Variants in AP3M1 observed in about 807,000 individuals in gnomAD.
The protein encoded by AP3M1 is adaptor related protein complex 3 subunit mu 1.
A neutral mutation model predicts 42.6 loss-of-function variants in AP3M1; 29 were observed. The observed-to-expected ratio is 0.68, with a 90% CI of 0.51 to 0.93. The LOEUF (loss-of-function observed/expected upper bound fraction) is 0.93. Ranked by LOEUF, AP3M1 falls within the 40% of genes least tolerant of loss-of-function variation. The probability of loss-of-function intolerance (pLI) is 0.00; values close to 1 mark genes in which losing one functional copy is unlikely to be tolerated. For missense variants in AP3M1, 416 were observed against 510.2 expected (o/e 0.82, Z 1.78); for synonymous variants, 178 against 175.3 (o/e 1.02, Z -0.12).
intron 4 of AP3M1, among the ~76,000 whole-genome samples, chr10:74,131,293 G>A (rs1307370465): frequency 6.6e-6 from 1 of 151,358 alleles, no homozygotes; most frequent in Non-Finnish European, 1.5e-5. Flanking sequence ...TCAGTCTCTC[G>A]AGTAGCTGGG....
intron 3 of AP3M1, among the ~76,000 whole-genome samples, chr10:74,135,445 A>G (rs1840913858): frequency 6.6e-6 from 1 of 152,284 alleles, no homozygotes; most frequent in East Asian, 1.9e-4. Context: ...TACACTATCT[A>G]ATGAATCTGT....
chr10:74,140,984 A>T (rs867380244), intron 1 of AP3M1, among the ~76,000 whole-genome samples: 1 of 152,222 alleles, frequency 6.6e-6, no homozygotes, highest in East Asian at 1.9e-4. Context: ...CGATACCAAA[A>T]GTACAGACAA....
chr10:74,146,268 T>C (rs1284421452), intron 1 of AP3M1, among the ~76,000 whole-genome samples: 1 of 152,194 alleles, frequency 6.6e-6, no homozygotes, highest in Admixed American at 6.6e-5. Context: ...GACTGATTGG[T>C]TCATGGAGCA....
chr10:74,136,554 T>C, intron 3 of AP3M1, 78 bp downstream of exon 3: 2 of 1,149,918 alleles, frequency 1.7e-6, no homozygotes, highest in East Asian at 2.7e-5. Context: ...CTTAATAATA[T>C]GTCAGATCAT....
At chr10:74,134,005 A>G (rs1181750596) in intron 4 of AP3M1, 22 bp downstream of exon 4, 1 of 1,611,668 alleles carries the variant, frequency 6.2e-7, no homozygotes, top group Admixed American at 1.7e-5. Context: ...TTCCCCAAAT[A>G]AGATGACATG....
At chr10:74,142,274 T>C (rs1296938001) in intron 1 of AP3M1, among the ~76,000 whole-genome samples, 1 of 152,212 alleles carries the variant, frequency 6.6e-6, no homozygotes, top group Non-Finnish European at 1.5e-5. Context: ...AATAGTACTA[T>C]AGTCTAAGAA....
chr10:74,143,223 C>T lies in AP3M1; in HGVS notation c.-3-4841G>A, dbSNP rs182143472. Among the ~76,000 whole-genome samples the T allele has an allele frequency of 3.3e-3, 498 of 152,270 alleles. 3 individuals are homozygous for T. Among genetic ancestry groups the T allele is most frequent in the African/African-American group, 0.011 (452 of 41,546 alleles). On this transcript the variant is annotated intron_variant, in intron 1 of 8. Coordinates refer to ENST00000355264, the MANE Select transcript of AP3M1 (RefSeq NM_012095.6). ...AAAATTAGCCGGGCATGGTGGCGTG[C>T]GCCTGTAATCCCAGCTACTTGGGAA... is the stretch of plus-strand genomic sequence containing the variant.
At position 74,134,012 on chromosome 10, in the gene AP3M1, C is replaced by T; in HGVS notation, c.583+15G>A. ...AATTGTTTTTCCCCAAATAAGATGACATGCACACAATTACCTGATTTATCT... is the reference window on the plus strand; with the variant it reads ...AATTGTTTTTCCCCAAATAAGATGATATGCACACAATTACCTGATTTATCT... On this transcript the variant is annotated intron_variant, in intron 4 of 8. Coordinates refer to ENST00000355264, the MANE Select transcript of AP3M1 (RefSeq NM_012095.6). 3 of 1,613,002 alleles carry T rather than the reference C, an allele frequency of 1.9e-6. No individual in the cohort carries two copies. The highest frequency in any genetic ancestry group is 4.5e-5 in the East Asian group (2 of 44,852).
intron 2 of AP3M1, among the ~76,000 whole-genome samples, chr10:74,137,022 T>C (rs1236804008): frequency 6.6e-6 from 1 of 152,176 alleles, no homozygotes; most frequent in African/African-American, 2.4e-5. Context: ...GATGCATCAC[T>C]TGAGGTCAGG....
At chr10:74,123,978 G>A (rs1840544510) in intron 8 of AP3M1, 68 bp from the exon 9 acceptor site, 13 of 1,334,996 alleles carry the variant, frequency 9.7e-6, no homozygotes, top group South Asian at 6.0e-5. Flanking sequence ...AGCAATGAGC[G>A]CTATATGGTA....
intron 3 of AP3M1, 83 bp downstream of exon 3, chr10:74,136,549 T>A: frequency 8.9e-7 from 1 of 1,118,620 alleles, no homozygotes; most frequent in East Asian, 2.7e-5. Context: ...ACTACCTTAA[T>A]AATATGTCAG....
chr10:74,133,410 A>T (rs1250911301), intron 4 of AP3M1, among the ~76,000 whole-genome samples: 1 of 150,298 alleles, frequency 6.7e-6, no homozygotes. Flanking sequence ...AAAAAAAAAA[A>T]TTTAGCCAGG....
Position 74,124,468 on chromosome 10 carries a change from T to A in AP3M1, c.1068A>T (p.Gly356=). 6.2e-7 allele frequency: 1 copy of A among 1,613,728 alleles called. No individual in the cohort carries two copies. The highest frequency in any genetic ancestry group is 1.1e-5 in the South Asian group (1 of 90,932). The change falls in exon 8 of 9, where the codon GGA becomes GGT. Residue 356 remains glycine (G), a synonymous_variant. Transcript: ENST00000355264. ...ITPQKLPSLK[G]LVNLQSGAPK... ...GGGCTCCAGACTGTAAATTTACCAG[T>A]CCTTTAAGACTTGGGAGCTTTTGTG...
chr10:74,131,820 G>T (rs1179548629), intron 4 of AP3M1, among the ~76,000 whole-genome samples: 1 of 152,150 alleles, frequency 6.6e-6, no homozygotes, highest in East Asian at 1.9e-4. Flanking sequence ...GGGATTACAG[G>T]TGTGAGCCAC....
In AP3M1 at chr10:74,123,052, T is replaced by G. The variant is rs543029058; in HGVS notation, c.*758A>C. 6.5e-6 allele frequency: 1 copy of G among 152,796 alleles called. No homozygotes were observed. The highest frequency in any genetic ancestry group is 2.1e-4 in the South Asian group (1 of 4,828). The allele number at this position is 152,796 out of a possible 1,614,324, so 9.5% of individuals were successfully genotyped here. A position where few individuals can be genotyped will look rare whatever the true frequency, so the allele number is the denominator to read the frequency against. Reference sequence around the variant, plus strand: ...GAAGTAATGTTCCCTTTTACTACCTTAATAAAGCATTTGCCCCTTTGATAC... The same window carrying G: ...GAAGTAATGTTCCCTTTTACTACCTGAATAAAGCATTTGCCCCTTTGATAC... On this transcript the variant is annotated 3_prime_UTR_variant, in exon 9 of 9. Transcript: ENST00000355264.
intron 1 of AP3M1, among the ~76,000 whole-genome samples, chr10:74,147,199 C>T (rs148496544): frequency 0.013 from 1,943 of 152,196 alleles, 46 homozygotes; most frequent in African/African-American, 0.044. Flanking sequence ...GCAGGAGAAT[C>T]GCTTGAACCC....
At position 74,150,785 on chromosome 10, in the gene AP3M1, G is replaced by T. The variant is rs969566224; in HGVS notation, c.-34C>A. Reference sequence around the variant, plus strand: ...CACCTGTGCCAGTCAGTGATTCGGCGCCGGATCCTCTCCTACCGAAGCTGG... The same window carrying T: ...CACCTGTGCCAGTCAGTGATTCGGCTCCGGATCCTCTCCTACCGAAGCTGG... On this transcript the variant is annotated 5_prime_UTR_variant, in exon 1 of 9. Transcript: ENST00000355264. 5.6e-6 allele frequency: 1 copy of T among 177,592 alleles called. No individual in the cohort carries two copies. Among genetic ancestry groups the T allele is most frequent in the Admixed American group, 5.6e-5 (1 of 17,894 alleles). 11.0% of individuals were successfully genotyped at this position (177,592 alleles called of 1,614,324 possible). A position where few individuals can be genotyped will look rare whatever the true frequency, so the allele number is the denominator to read the frequency against.
chr10:74,140,980 CA>C (rs1358872387), intron 1 of AP3M1, among the ~76,000 whole-genome samples: 1 of 151,936 alleles, frequency 6.6e-6, no homozygotes, highest in African/African-American at 2.4e-5. Flanking sequence ...GATACGATAC[CA>C]AAAGTACAGA....
intron 1 of AP3M1, among the ~76,000 whole-genome samples, chr10:74,148,562 T>A (rs1423727730): frequency 6.6e-6 from 1 of 152,314 alleles, no homozygotes; most frequent in East Asian, 1.9e-4. Flanking sequence ...TATTTTTTTT[T>A]AAGAGATAGG....
Sources: allele counts gnomAD v4.1 joint callset (sites outside exome capture counted in the v4.1 genomes callset), GRCh38; gene constraint gnomAD v4.1.1; transcripts MANE v1.5; gene names NCBI Gene and HGNC (gene_info 2026-07-23, HGNC 2026-07-21).